TRIO: variants seen among roughly 807,000 people sequenced by gnomAD.
TRIO encodes the protein trio Rho guanine nucleotide exchange factor.
TRIO carries 58 observed loss-of-function variants against 351.9 expected under a neutral mutation model. The ratio of observed to expected loss-of-function variants is 0.16; its 90% CI spans 0.13 to 0.21. The LOEUF (loss-of-function observed/expected upper bound fraction) is 0.21, where lower values mean the gene tolerates loss of function less well. Among genes scored for constraint, TRIO ranks in the 10% least tolerant of loss-of-function variants. TRIO has a pLI of 1.00. For synonymous variants in TRIO, 1,758 were observed against 1,595.7 expected (o/e 1.10, Z -2.42); for missense variants, 3,201 against 4,027.8 (o/e 0.79, Z 5.56).
intron 1 of TRIO, among the ~76,000 whole-genome samples, chr5:14,180,935 T>C (rs1789729936): frequency 6.6e-6 from 1 of 152,166 alleles, no homozygotes; most frequent in African/African-American, 2.4e-5. Context: ...CTGTATATAC[T>C]AAAATATTTA....
At chr5:14,173,691 A>G (rs1255030311) in intron 1 of TRIO, among the ~76,000 whole-genome samples, 1 of 152,222 alleles carries the variant, frequency 6.6e-6, no homozygotes, top group African/African-American at 2.4e-5. Flanking sequence ...GCAGAATCGA[A>G]GAGCTCTACG....
intron 1 of TRIO, among the ~76,000 whole-genome samples, chr5:14,172,363 A>G (rs987708388): frequency 5.9e-5 from 9 of 152,204 alleles, no homozygotes; most frequent in African/African-American, 1.4e-4. Flanking sequence ...TAAAGTTCCA[A>G]AATAACTAAA....
At position 14,381,069 on chromosome 5, in the gene TRIO, GC is replaced by G. The variant is rs562737504; in HGVS notation, c.3448-60del. ...TTGACCTTTAAATGAGGTGCTCGGG[GC>G]TTTGGGCTCCTCTCAGGAATGTGTA... On this transcript the variant is annotated intron_variant, in intron 20 of 56. Coordinates refer to ENST00000344204, the MANE Select transcript of TRIO (RefSeq NM_007118.4). 3,629 of 1,554,566 alleles carry G rather than the reference GC, an allele frequency of 2.3e-3. 7 individuals are homozygous for G. The highest frequency in any genetic ancestry group is 2.9e-3 in the Non-Finnish European group (3,327 of 1,154,378).
rs780052057 is a variant in TRIO at position 14,369,454 on chromosome 5, A to G, written c.3147A>G (p.Pro1049=). ...GTGGCGGGGCGGATAAGCTGGGCCC[A>G]AACTCTGAGACGGACCACGTGACGC... The part of the protein sequence containing the change: ...DWCGGADKLG[P]NSETDHVTPM... The change falls in exon 18 of 57, where the codon CCA becomes CCG. Residue 1049 remains proline, a synonymous_variant. Transcript: ENST00000344204. The G allele has an allele frequency of 6.2e-7, 1 of 1,614,138 alleles. No individual in the cohort carries two copies. The highest frequency in any genetic ancestry group is 8.5e-7 in the Non-Finnish European group (1 of 1,180,014).
intron 55 of TRIO, 33 bp from the exon 56 acceptor site, chr5:14,507,089 C>A: frequency 6.4e-7 from 1 of 1,550,648 alleles, no homozygotes; most frequent in South Asian, 1.2e-5. Flanking sequence ...AAGCAAATCG[C>A]ATCATAACAG....
intron 1 of TRIO, among the ~76,000 whole-genome samples, chr5:14,213,596 A>G (rs1240550329): frequency 1.3e-5 from 2 of 152,218 alleles, no homozygotes; most frequent in Non-Finnish European, 2.9e-5. Context: ...GTATTTCTAT[A>G]AAGGCTAAAT....
chr5:14,271,032 C>T (rs1795946892), intron 2 of TRIO, 133 bp downstream of exon 2: 1 of 669,290 alleles, frequency 1.5e-6, no homozygotes, highest in Admixed American at 2.9e-5. Context: ...TGGCTTTATT[C>T]TTGTAGCACT....
intron 10 of TRIO, among the ~76,000 whole-genome samples, chr5:14,335,515 G>A (rs1413828566): frequency 6.6e-6 from 1 of 152,176 alleles, no homozygotes; most frequent in East Asian, 1.9e-4. Context: ...AACAGCATCA[G>A]GGCTCTCGCA....
chr5:14,162,460 C>G (rs1788526634), intron 1 of TRIO, among the ~76,000 whole-genome samples: 1 of 152,200 alleles, frequency 6.6e-6, no homozygotes, highest in Non-Finnish European at 1.5e-5. Flanking sequence ...TTACTTTGTT[C>G]TTTTACCTAT....
At chr5:14,389,923 C>T (rs1420134173) in intron 25 of TRIO, among the ~76,000 whole-genome samples, 1 of 152,210 alleles carries the variant, frequency 6.6e-6, no homozygotes, top group Admixed American at 6.5e-5. Flanking sequence ...CTGGGGTCAG[C>T]AAGAGCGCAG....
intron 1 of TRIO, among the ~76,000 whole-genome samples, chr5:14,165,521 G>A (rs751222627): frequency 3.9e-5 from 6 of 152,110 alleles, no homozygotes; most frequent in Non-Finnish European, 5.9e-5. Flanking sequence ...TGGCGGGCAC[G>A]TGGGTTGACT....
At chr5:14,235,660 A>G (rs1793718506) in intron 1 of TRIO, among the ~76,000 whole-genome samples, 1 of 152,090 alleles carries the variant, frequency 6.6e-6, no homozygotes, top group Non-Finnish European at 1.5e-5. Flanking sequence ...TGGACACAGA[A>G]TGGAACTACG....
intron 29 of TRIO, 52 bp downstream of exon 29, chr5:14,397,206 T>C: frequency 1.4e-6 from 2 of 1,402,890 alleles, no homozygotes; most frequent in Non-Finnish European, 2.0e-6. Context: ...CTAATGACAC[T>C]GTTTGTAAAT....
intron 10 of TRIO, 71 bp from the exon 11 acceptor site, chr5:14,336,465 A>G (rs1435751470): frequency 6.6e-7 from 1 of 1,512,746 alleles, no homozygotes; most frequent in Non-Finnish European, 9.1e-7. Flanking sequence ...GTTGCTATAT[A>G]TTATGGCGCC....
At chr5:14,155,124 G>T (rs1279266700) in intron 1 of TRIO, among the ~76,000 whole-genome samples, 2 of 152,152 alleles carry the variant, frequency 1.3e-5, no homozygotes, top group Non-Finnish European at 2.9e-5. Flanking sequence ...ATTTCGGGGT[G>T]GGGGTAAACT....
chr5:14,240,460 G>A (rs533276227), intron 1 of TRIO, among the ~76,000 whole-genome samples: 6 of 152,204 alleles, frequency 3.9e-5, no homozygotes, highest in Non-Finnish European at 7.4e-5. Context: ...CTGTTTTCCC[G>A]TTCTTTTACA....
At chr5:14,376,395 T>C (rs1745560577) in intron 19 of TRIO, among the ~76,000 whole-genome samples, 1 of 152,248 alleles carries the variant, frequency 6.6e-6, no homozygotes, top group African/African-American at 2.4e-5. Context: ...TAGCTACTGG[T>C]AACCACTGTC....
chr5:14,468,651 C>A (rs1215388786), intron 37 of TRIO, among the ~76,000 whole-genome samples: 1 of 152,194 alleles, frequency 6.6e-6, no homozygotes, highest in Non-Finnish European at 1.5e-5. Flanking sequence ...TTGTAATATC[C>A]TAAACTTATA....
At chr5:14,290,531 C>T (rs531617114) in intron 4 of TRIO, among the ~76,000 whole-genome samples, 185 bp from the exon 5 acceptor site, 1 of 152,300 alleles carries the variant, frequency 6.6e-6, no homozygotes, top group East Asian at 1.9e-4. Context: ...ATTTGTCTTT[C>T]ATTGTACTGA....
Sources: gnomAD v4.1 joint callset for allele counts (sites outside exome capture counted in the v4.1 genomes callset) on GRCh38, gnomAD v4.1.1 for gene constraint, MANE v1.5 for transcripts, NCBI Gene and HGNC (gene_info 2026-07-23, HGNC 2026-07-21) for gene names.